GRM8: variants seen among roughly 807,000 people sequenced by gnomAD.
GRM8 encodes metabotropic glutamate receptor 8.
In GRM8, 47 loss-of-function variants were observed where a neutral mutation model predicts 87.2. The ratio of observed to expected loss-of-function variants is 0.54; its 90% CI spans 0.43 to 0.69. GRM8 has a LOEUF of 0.69. Ranked by LOEUF, GRM8 falls within the 30% of genes least tolerant of loss-of-function variation. GRM8 has a pLI of 0.00. For synonymous variants in GRM8, 396 were observed against 404.5 expected (o/e 0.98, Z 0.25); for missense variants, 1,019 against 1,139.2 (o/e 0.89, Z 1.52).
At chr7:126,659,019 A>G (rs945455288) in intron 7 of GRM8, among the ~76,000 whole-genome samples, 4 of 151,820 alleles carry the variant, frequency 2.6e-5, no homozygotes, top group Non-Finnish European at 4.4e-5. Flanking sequence ...TAGGTAATTA[A>G]TATGGTTGCG....
intron 2 of GRM8, among the ~76,000 whole-genome samples, chr7:127,179,810 A>T (rs1012616876): frequency 6.6e-6 from 1 of 152,076 alleles, no homozygotes; most frequent in Non-Finnish European, 1.5e-5. Flanking sequence ...AATGACAATA[A>T]TGATACAACC....
At chr7:127,236,681 T>G (rs1425960905) in intron 2 of GRM8, among the ~76,000 whole-genome samples, 6 of 152,158 alleles carry the variant, frequency 3.9e-5, no homozygotes, top group Non-Finnish European at 7.4e-5. Context: ...ACACAAAGCC[T>G]AAACATATTG....
At chr7:127,122,207 AC>A (rs1324705694) in intron 2 of GRM8, among the ~76,000 whole-genome samples, 2 of 152,194 alleles carry the variant, frequency 1.3e-5, no homozygotes, top group African/African-American at 4.8e-5. Context: ...CGACAGTAAA[AC>A]AACTCAGGAT....
At chr7:126,532,642 C>T (rs945786238) in intron 9 of GRM8, among the ~76,000 whole-genome samples, 5 of 151,582 alleles carry the variant, frequency 3.3e-5, no homozygotes, top group African/African-American at 9.7e-5. Context: ...AAGGGAGACT[C>T]AGAAAGTGAT....
intron 9 of GRM8, among the ~76,000 whole-genome samples, chr7:126,493,115 T>C (rs1808237746): frequency 6.6e-6 from 1 of 152,076 alleles, no homozygotes; most frequent in Non-Finnish European, 1.5e-5. Flanking sequence ...AACATTTTCA[T>C]CTAGTAAAAC....
intron 3 of GRM8, among the ~76,000 whole-genome samples, chr7:127,102,137 A>G (rs965283487): frequency 6.6e-6 from 1 of 152,226 alleles, no homozygotes; most frequent in Non-Finnish European, 1.5e-5. Flanking sequence ...GCAGCAAAGC[A>G]TTCAAAATGT....
chr7:126,903,587 C>T (rs1802323576), intron 5 of GRM8, among the ~76,000 whole-genome samples: 1 of 145,892 alleles, frequency 6.9e-6, no homozygotes, highest in African/African-American at 2.6e-5. Flanking sequence ...CACACACACA[C>T]ACACACACAC....
At chr7:126,634,849 T>G (rs1801692277) in intron 7 of GRM8, among the ~76,000 whole-genome samples, 1 of 152,096 alleles carries the variant, frequency 6.6e-6, no homozygotes, top group South Asian at 2.1e-4. Context: ...TCCAAAGCAG[T>G]GATGTTAATG....
intron 2 of GRM8, among the ~76,000 whole-genome samples, chr7:127,160,810 C>T (rs796851418): frequency 6.8e-5 from 9 of 132,232 alleles, no homozygotes; most frequent in African/African-American, 2.5e-4. Flanking sequence ...CTTAGGTGAA[C>T]ATTTAGCATT....
intron 6 of GRM8, among the ~76,000 whole-genome samples, chr7:126,846,452 T>C (rs920014972): frequency 6.6e-6 from 1 of 152,190 alleles, no homozygotes; most frequent in Non-Finnish European, 1.5e-5. Context: ...TAAGCAACAT[T>C]ATAGGAGGGA....
intron 2 of GRM8, among the ~76,000 whole-genome samples, chr7:127,183,381 A>G (rs1460208553): frequency 6.6e-6 from 1 of 151,874 alleles, no homozygotes; most frequent in Non-Finnish European, 1.5e-5. Flanking sequence ...ACTATAGATC[A>G]AAATCAGAAA....
chr7:127,118,075 T>G (rs763441141), intron 2 of GRM8: 18 of 152,230 alleles, frequency 1.2e-4, no homozygotes, highest in Non-Finnish European at 2.2e-4. Context: ...ATTATTTATC[T>G]CCCAGCTAGC....
chr7:126,784,953 C>G (rs1229534180), intron 6 of GRM8, among the ~76,000 whole-genome samples: 1 of 152,152 alleles, frequency 6.6e-6, no homozygotes, highest in Non-Finnish European at 1.5e-5. Flanking sequence ...CTAGGAAAGA[C>G]CAGTTTCAAC....
chr7:126,760,425 C>T (rs1466065221), intron 7 of GRM8, among the ~76,000 whole-genome samples: 1 of 152,032 alleles, frequency 6.6e-6, no homozygotes, highest in East Asian at 1.9e-4. Flanking sequence ...TAAAAGAAAT[C>T]AGACTTTGAA....
chr7:126,541,933 C>G (rs1383390525), intron 8 of GRM8, among the ~76,000 whole-genome samples: 6 of 152,092 alleles, frequency 3.9e-5, no homozygotes, highest in Non-Finnish European at 5.9e-5. Context: ...TATTTGGAGA[C>G]AGAATCTTTA....
intron 9 of GRM8, among the ~76,000 whole-genome samples, chr7:126,500,922 T>C (rs1809548174): frequency 6.6e-6 from 1 of 152,042 alleles, no homozygotes; most frequent in Non-Finnish European, 1.5e-5. Flanking sequence ...CTATTTGTTA[T>C]GCTCTCCCTT....
At chr7:126,809,746 G>A (rs1793115477) in intron 6 of GRM8, among the ~76,000 whole-genome samples, 1 of 152,238 alleles carries the variant, frequency 6.6e-6, no homozygotes, top group Non-Finnish European at 1.5e-5. Flanking sequence ...TTTTCAGAGT[G>A]TCTGTAGTGA....
At chr7:126,526,999 T>C (rs1813951601) in intron 9 of GRM8, among the ~76,000 whole-genome samples, 1 of 152,216 alleles carries the variant, frequency 6.6e-6, no homozygotes, top group African/African-American at 2.4e-5. Context: ...CATTAAATAG[T>C]TCTGTAATGT....
chr7:127,232,159 C>T (rs753232766), intron 2 of GRM8, among the ~76,000 whole-genome samples: 1 of 148,592 alleles, frequency 6.7e-6, no homozygotes. Flanking sequence ...CCAATCTAGA[C>T]CTGCCATCAG....
Sources: allele counts gnomAD v4.1 joint callset (sites outside exome capture counted in the v4.1 genomes callset), GRCh38; gene constraint gnomAD v4.1.1; transcripts MANE v1.5; gene names NCBI Gene and HGNC (gene_info 2026-07-23, HGNC 2026-07-21).